Variants in PIEZO2 observed in about 807,000 individuals in gnomAD.
PIEZO2 encodes piezo-type mechanosensitive ion channel component 2.
Under a neutral mutation model 337.3 loss-of-function variants are expected in PIEZO2, and 172 were observed. The observed-to-expected ratio is 0.51, with a 90% CI of 0.45 to 0.58. PIEZO2 has a LOEUF of 0.58. Among genes scored for constraint, PIEZO2 ranks in the 20% least tolerant of loss-of-function variants. PIEZO2 has a pLI of 0.00. For missense variants in PIEZO2, 3,028 were observed against 3,391.3 expected (o/e 0.89, Z 2.66); for synonymous variants, 1,251 against 1,228.5 (o/e 1.02, Z -0.38).
chr18:10,917,837 CT>C (rs1278008919), intron 3 of PIEZO2, among the ~76,000 whole-genome samples: 5 of 152,120 alleles, frequency 3.3e-5, no homozygotes, highest in African/African-American at 9.7e-5. Flanking sequence ...GGTGATGAAA[CT>C]AAAACATCAG....
rs1365521699 is a variant in PIEZO2, at chr18:10,676,667, T to C, written c.8081+1080A>G. Among the ~76,000 whole-genome samples, 1 of 152,202 alleles carries C rather than the reference T, an allele frequency of 6.6e-6. No homozygotes were observed. Among genetic ancestry groups the C allele is most frequent in the African/African-American group, 2.4e-5 (1 of 41,458 alleles). On this transcript the variant is annotated intron_variant, in intron 53 of 55. Coordinates refer to ENST00000674853, the MANE Select transcript of PIEZO2 (RefSeq NM_001378183.1). The surrounding 1 kb of genome is among the most constrained non-coding windows in gnomAD (Gnocchi z 5.1). Reference sequence around the variant, plus strand: ...TATGGTCAGATAAGAGCAAGGTTTGTCATCTAGAGATGAGATCAATACTTT... The same window carrying C: ...TATGGTCAGATAAGAGCAAGGTTTGCCATCTAGAGATGAGATCAATACTTT...
intron 3 of PIEZO2, among the ~76,000 whole-genome samples, chr18:10,965,963 T>C (rs1481660313): frequency 6.6e-6 from 1 of 152,198 alleles, no homozygotes; most frequent in Non-Finnish European, 1.5e-5. Flanking sequence ...GCTAAAATAA[T>C]GTCTGGTACA....
chr18:11,043,117 G>T (rs887632008), intron 2 of PIEZO2, among the ~76,000 whole-genome samples: 1 of 152,054 alleles, frequency 6.6e-6, no homozygotes, highest in Non-Finnish European at 1.5e-5. Context: ...ATGAACACTT[G>T]GTAGAGTAGA....
At chr18:10,785,262 T>C (rs1042133708) in intron 16 of PIEZO2, among the ~76,000 whole-genome samples, 5 of 152,196 alleles carry the variant, frequency 3.3e-5, no homozygotes, top group Non-Finnish European at 5.9e-5. Flanking sequence ...TCTTGGTTTC[T>C]TGTTCCTCCA....
chr18:10,974,944 G>T (rs890724913), intron 3 of PIEZO2, among the ~76,000 whole-genome samples: 1 of 152,230 alleles, frequency 6.6e-6, no homozygotes, highest in African/African-American at 2.4e-5. Context: ...TGCACACAGA[G>T]CACAGGGGTC....
At chr18:10,674,130 C>T (rs1056370361) in intron 54 of PIEZO2, among the ~76,000 whole-genome samples, 2 of 152,040 alleles carry the variant, frequency 1.3e-5, no homozygotes, top group African/African-American at 4.8e-5. Flanking sequence ...CCTATTAGAG[C>T]CAAAGTCCTT....
At chr18:11,061,798 A>AG (rs1249187114) in intron 2 of PIEZO2, among the ~76,000 whole-genome samples, 3 of 152,244 alleles carry the variant, frequency 2.0e-5, no homozygotes, top group African/African-American at 7.2e-5. Context: ...GCTCATGGGT[A>AG]GGAAGAATCA....
At chr18:10,966,318 T>A (rs1382857796) in intron 3 of PIEZO2, among the ~76,000 whole-genome samples, 1 of 152,216 alleles carries the variant, frequency 6.6e-6, no homozygotes, top group African/African-American at 2.4e-5. Flanking sequence ...AGTTCTCTGC[T>A]ACATCATCGC....
Position 10,770,432 on chromosome 18 carries a change from GAA to G in PIEZO2, c.2786-126_2786-125del, listed in dbSNP as rs2038551780. The G allele has an allele frequency of 8.5e-6, 8 of 937,652 alleles. No individual in the cohort carries two copies. The East Asian group carries it at 2.2e-4, about 25-fold the overall frequency. 58.1% of individuals were successfully genotyped at this position (937,652 alleles called of 1,614,324 possible). On this transcript the variant is annotated intron_variant, in intron 20 of 55. Coordinates refer to ENST00000674853, the MANE Select transcript of PIEZO2 (RefSeq NM_001378183.1). ...AATAATTACAGTGGATGAATTCTAA[GAA>G]AACCAAAATCTGGAATAAGGATGAT...
At chr18:10,981,879 T>C (rs2034680050) in intron 2 of PIEZO2, among the ~76,000 whole-genome samples, 1 of 152,192 alleles carries the variant, frequency 6.6e-6, no homozygotes, top group African/African-American at 2.4e-5. Flanking sequence ...TCTGCAGCTT[T>C]TGGACTCCTG....
chr18:10,754,933 G>T (rs998287672), intron 27 of PIEZO2, among the ~76,000 whole-genome samples: 1 of 152,090 alleles, frequency 6.6e-6, no homozygotes, highest in Non-Finnish European at 1.5e-5. Flanking sequence ...AGGGATAACC[G>T]CATGACCTCC....
chr18:10,899,602 T>C lies in PIEZO2; in HGVS notation c.329+11584A>G, dbSNP rs2042992312. On this transcript the variant is annotated intron_variant, in intron 4 of 55. Coordinates refer to ENST00000674853, the MANE Select transcript of PIEZO2 (RefSeq NM_001378183.1). The surrounding 1 kb of genome is among the most constrained non-coding windows in gnomAD (Gnocchi z 4.6). ...CAGAACAAATAAGAAATATGAAGCC[T>C]TCTCTTGTAGCTGCCTATTAGCACA... 1.3e-5 allele frequency among the ~76,000 whole-genome samples: 2 copies of C among 152,170 alleles called. No homozygotes were observed. The highest frequency in any genetic ancestry group is 4.8e-5 in the African/African-American group (2 of 41,436).
In PIEZO2 at chr18:10,775,787, T is replaced by A. The variant is rs10468668; in HGVS notation, c.2535-1749A>T. Among the ~76,000 whole-genome samples the A allele has an allele frequency of 0.2, 29,901 of 152,072 alleles. 3,135 individuals are homozygous for A. Among genetic ancestry groups the A allele is most frequent in the East Asian group, 0.35 (1,779 of 5,150 alleles). ...TCTAGAAACTTGTAATGGGACAAGATGCAGCTGCGGACAAATGAGAAGGGC... is the reference window on the plus strand; with the variant it reads ...TCTAGAAACTTGTAATGGGACAAGAAGCAGCTGCGGACAAATGAGAAGGGC... On this transcript the variant is annotated intron_variant, in intron 18 of 55. Transcript: ENST00000674853. The surrounding 1 kb of genome is among the most constrained non-coding windows in gnomAD (Gnocchi z 4.3).
chr18:11,056,164 T>C (rs1019209550), intron 2 of PIEZO2, among the ~76,000 whole-genome samples: 2 of 152,158 alleles, frequency 1.3e-5, no homozygotes, highest in African/African-American at 2.4e-5. Flanking sequence ...TCAGAGACTT[T>C]CCAGCTTTGA....
In PIEZO2 at chr18:10,746,642, C is replaced by T. The variant is rs1215909362; in HGVS notation, c.4424+1829G>A. On this transcript the variant is annotated intron_variant, in intron 30 of 55. Coordinates refer to ENST00000674853, the MANE Select transcript of PIEZO2 (RefSeq NM_001378183.1). This position sits in a 1 kb window ranked among gnomAD's most constrained non-coding sequence, Gnocchi z 4.2. ...CAAGGTGACGGACAGGAGGTAAGGCCTTTTGGAGTAGATTGAGTGGGAAAG... is the reference window on the plus strand; with the variant it reads ...CAAGGTGACGGACAGGAGGTAAGGCTTTTTGGAGTAGATTGAGTGGGAAAG... Among the ~76,000 whole-genome samples, 2 of 152,136 alleles carry T rather than the reference C, an allele frequency of 1.3e-5. No homozygotes were observed. The highest frequency in any genetic ancestry group is 1.3e-4 in the Admixed American group (2 of 15,278).
chr18:10,798,313 T>C (rs2039683552), intron 11 of PIEZO2, among the ~76,000 whole-genome samples: 1 of 151,982 alleles, frequency 6.6e-6, no homozygotes, highest in Non-Finnish European at 1.5e-5. Flanking sequence ...TATGTATAGG[T>C]GGGTTACAGG....
intron 1 of PIEZO2, among the ~76,000 whole-genome samples, chr18:11,139,036 C>T (rs1172145696): frequency 1.3e-5 from 2 of 152,214 alleles, no homozygotes; most frequent in East Asian, 1.9e-4. Context: ...CAATGTTTTA[C>T]TCATAATCGT....
intron 3 of PIEZO2, among the ~76,000 whole-genome samples, chr18:10,923,247 CGCTT>C (rs763264536): frequency 2.2e-4 from 34 of 152,150 alleles, no homozygotes; most frequent in Non-Finnish European, 2.9e-4. Flanking sequence ...AATTCTAAGA[CGCTT>C]GCATAAGATT....
intron 12 of PIEZO2, among the ~76,000 whole-genome samples, chr18:10,796,998 A>C (rs937944899): frequency 1.3e-5 from 2 of 151,940 alleles, no homozygotes; most frequent in African/African-American, 4.8e-5. Context: ...CATATTATAC[A>C]TACCGTCATA....
Sources: gnomAD v4.1 joint callset for allele counts (sites outside exome capture counted in the v4.1 genomes callset) on GRCh38, gnomAD v4.1.1 for gene constraint, Gnocchi (gnomAD v3.1) non-coding constraint, MANE v1.5 for transcripts, NCBI Gene and HGNC (gene_info 2026-07-23, HGNC 2026-07-21) for gene names.